ROBO2: variants seen among roughly 807,000 people sequenced by gnomAD.
ROBO2 encodes the protein roundabout guidance receptor 2.
A neutral mutation model predicts 160.8 loss-of-function variants in ROBO2; 53 were observed. The ratio of observed to expected loss-of-function variants is 0.33; its 90% CI spans 0.26 to 0.41. The LOEUF is 0.41. Ranked by LOEUF, ROBO2 falls within the 10% of genes least tolerant of loss-of-function variation. The pLI, the probability that ROBO2 is intolerant of heterozygous loss-of-function variation, is 1.00. For missense variants in ROBO2, 1,577 were observed against 1,722.4 expected (o/e 0.92, Z 1.49); for synonymous variants, 664 against 611.7 (o/e 1.09, Z -1.26).
chr3:75,959,456 G>T (rs1948831069), intron 2 of ROBO2, among the ~76,000 whole-genome samples: 1 of 151,676 alleles, frequency 6.6e-6, no homozygotes, highest in Non-Finnish European at 1.5e-5. Context: ...CAGTACTCTT[G>T]GTCTCTAGGA....
At chr3:77,463,298 A>G (rs1251604085) in intron 2 of ROBO2, among the ~76,000 whole-genome samples, 1 of 152,214 alleles carries the variant, frequency 6.6e-6, no homozygotes, top group Non-Finnish European at 1.5e-5. Flanking sequence ...ATTAAAGGTC[A>G]TATTAAAATC....
intron 2 of ROBO2, among the ~76,000 whole-genome samples, chr3:76,605,386 TA>T (rs34113661): frequency 0.34 from 50,781 of 150,288 alleles, 8,772 homozygotes; most frequent in South Asian, 0.43. Context: ...AACTGTATTT[TA>T]AAAAAAAAAG....
intron 2 of ROBO2, among the ~76,000 whole-genome samples, chr3:76,287,913 T>A (rs1309185302): frequency 6.6e-6 from 1 of 152,212 alleles, no homozygotes; most frequent in Non-Finnish European, 1.5e-5. Flanking sequence ...GCAAGTGAAA[T>A]ATGCAGGTAG....
At chr3:76,501,512 A>C (rs748769976) in intron 2 of ROBO2, among the ~76,000 whole-genome samples, 1 of 152,188 alleles carries the variant, frequency 6.6e-6, no homozygotes, top group Admixed American at 6.5e-5. Flanking sequence ...GGTATTATTA[A>C]GTGTTCAGTT....
At position 77,507,310 on chromosome 3, in the gene ROBO2, A is replaced by G. The variant is rs1290960869; in HGVS notation, c.806+13928A>G. Among the ~76,000 whole-genome samples the G allele has an allele frequency of 2.0e-5, 3 of 152,308 alleles. No homozygotes were observed. In the East Asian group the frequency reaches 5.8e-4, roughly 29 times the overall value. ...GGACTGAACATCCCTCTGATAATGT[A>G]GTCACTTCCCCAGCTAGTTCTCAGT... On this transcript the variant is annotated intron_variant, in intron 5 of 25. Transcript: ENST00000461745.
chr3:76,346,820 G>A (rs1046740935), intron 2 of ROBO2, among the ~76,000 whole-genome samples: 1 of 152,258 alleles, frequency 6.6e-6, no homozygotes, highest in East Asian at 1.9e-4. Context: ...TACTCACTGA[G>A]TGACAACATG....
chr3:76,442,558 G>T (rs549307825), intron 2 of ROBO2, among the ~76,000 whole-genome samples: 5 of 152,224 alleles, frequency 3.3e-5, no homozygotes, highest in African/African-American at 1.2e-4. Flanking sequence ...TTTATTCACG[G>T]TTTCACTTTC....
intron 2 of ROBO2, among the ~76,000 whole-genome samples, chr3:76,740,990 G>A (rs1449413515): frequency 1.3e-5 from 2 of 152,026 alleles, no homozygotes; most frequent in Non-Finnish European, 2.9e-5. Context: ...CTAGGAAACA[G>A]TTTTGAAAGA....
At chr3:77,040,598 C>T (rs1203011548) in exon 1 of ROBO2, 3 of 1,447,686 alleles carry the variant, frequency 2.1e-6, no homozygotes, top group East Asian at 2.5e-5. Flanking sequence ...TTGGATGGAT[C>T]TCAGTGTGCC....
chr3:76,461,597 C>G (rs1015095970), intron 2 of ROBO2, among the ~76,000 whole-genome samples: 25 of 152,076 alleles, frequency 1.6e-4, no homozygotes, highest in Non-Finnish European at 3.2e-4. Flanking sequence ...AGAAGGAATT[C>G]TTAAGCAAGA....
At chr3:76,194,348 GTGTAAATATATATA>G (rs1457143759) in intron 2 of ROBO2, among the ~76,000 whole-genome samples, 3 of 45,746 alleles carry the variant, frequency 6.6e-5, no homozygotes, top group African/African-American at 1.9e-4. Flanking sequence ...TATGTATGGT[GTGTAAATATATATA>G]TATATATATA....
At chr3:76,470,533 G>A (rs996009565) in intron 2 of ROBO2, among the ~76,000 whole-genome samples, 8 of 152,136 alleles carry the variant, frequency 5.3e-5, no homozygotes, top group Middle Eastern at 6.8e-3. Context: ...GCCTCTCTAC[G>A]TGACTCGGGC....
chr3:77,602,235 A>G, exon 20 of ROBO2: 1 of 1,614,136 alleles, frequency 6.2e-7, no homozygotes, highest in African/African-American at 1.3e-5. Context: ...TTCCAGGCCA[A>G]GGGGATAAAA....
chr3:77,622,200 C>G, intron 22 of ROBO2, 27 bp from the exon 24 acceptor site: 1 of 1,606,486 alleles, frequency 6.2e-7, no homozygotes, highest in Non-Finnish European at 8.5e-7. Flanking sequence ...AGTTGCTTTT[C>G]TTTTTTAAAT....
intron 2 of ROBO2, among the ~76,000 whole-genome samples, chr3:77,360,886 A>G (rs1212503479): frequency 1.2e-5 from 1 of 84,682 alleles, no homozygotes; most frequent in Admixed American, 1.4e-4. Flanking sequence ...GTGCTAAAAT[A>G]TTTTTGTTTG....
At chr3:76,407,719 TATAC>T (rs1239936365) in intron 2 of ROBO2, among the ~76,000 whole-genome samples, 1 of 151,998 alleles carries the variant, frequency 6.6e-6, no homozygotes, top group Non-Finnish European at 1.5e-5. Context: ...TTTTCTTCAT[TATAC>T]ATACATACAA....
At chr3:76,318,638 C>CATT (rs2072250795) in intron 2 of ROBO2, among the ~76,000 whole-genome samples, 1 of 152,022 alleles carries the variant, frequency 6.6e-6, no homozygotes, top group African/African-American at 2.4e-5. Context: ...TCAGCGCTTC[C>CATT]ATTATAAGCT....
chr3:77,328,593 T>C (rs1400684058), intron 2 of ROBO2, among the ~76,000 whole-genome samples: 2 of 152,182 alleles, frequency 1.3e-5, no homozygotes, highest in Non-Finnish European at 2.9e-5. Context: ...GTAATGATGA[T>C]GGCCTGGCGT....
chr3:75,995,735 G>A (rs2065709341), intron 2 of ROBO2, among the ~76,000 whole-genome samples: 1 of 152,168 alleles, frequency 6.6e-6, no homozygotes, highest in South Asian at 2.1e-4. Flanking sequence ...GCCCACAAAA[G>A]CAGTTGGGAG....
Sources: allele counts gnomAD v4.1 joint callset (sites outside exome capture counted in the v4.1 genomes callset), GRCh38; gene constraint gnomAD v4.1.1; transcripts MANE v1.5; gene names NCBI Gene and HGNC (gene_info 2026-07-23, HGNC 2026-07-21).